Variants in FBRS observed in about 807,000 individuals in gnomAD.
FBRS encodes the protein fibrosin, also known as probable fibrosin-1.
In FBRS, 15 loss-of-function variants were observed where a neutral mutation model predicts 86.1. The observed-to-expected ratio is 0.17, with a 90% confidence interval of 0.12 to 0.27. FBRS has a LOEUF of 0.27. Among genes scored for constraint, FBRS ranks in the 10% least tolerant of loss-of-function variants. The probability of loss-of-function intolerance (pLI) is 1.00; values close to 1 mark genes in which losing one functional copy is unlikely to be tolerated. For synonymous variants in FBRS, 666 were observed against 575.8 expected, an observed-to-expected ratio of 1.16 and a Z score of -2.24; for missense variants, 1,367 against 1,301.6, an observed-to-expected ratio of 1.05 and a Z score of -0.77.
Position 30,665,601 on chromosome 16 carries a change from A to T in FBRS, c.1705-37A>T. 1.9e-6 allele frequency: 3 copies of T among 1,557,612 alleles called. No individual in the cohort carries two copies. Among genetic ancestry groups the T allele is most frequent in the Non-Finnish European group, 2.6e-6 (3 of 1,149,914 alleles). ...TCTGGATCCCTTTGTGCTTGGTGCCAGCTCTCCTGTCTGATCCCTCCACTC... is the reference window on the plus strand; with the variant it reads ...TCTGGATCCCTTTGTGCTTGGTGCCTGCTCTCCTGTCTGATCCCTCCACTC... On this transcript the variant is annotated intron_variant, in intron 10 of 17. Transcript: ENST00000356166. The surrounding 1 kb of genome is among the most constrained non-coding windows in gnomAD (Gnocchi z 4.1).
At chr16:30,662,963 A>T in intron 6 of FBRS, 104 bp downstream of exon 6, 1 of 1,321,862 alleles carries the variant, frequency 7.6e-7, no homozygotes, top group Non-Finnish European at 9.7e-7. Flanking sequence ...AAGGATTCTG[A>T]GACTGAAAAG....
chr16:30,664,398 G>GGCCCCC lies in FBRS; in HGVS notation c.1239_1240insGCCCCC (p.Arg413_Pro414insAlaPro). ...ACAGCTTTCCCCCTCCCGGGCTGCG[G>GGCCCCC]CCCCCCCCACCACCCCACCACCCCT... On this transcript the variant is annotated inframe_insertion, in exon 7 of 18. Transcript: ENST00000356166. 1.5e-6 allele frequency: 2 copies of GGCCCCC among 1,376,492 alleles called. No homozygotes were observed. Among genetic ancestry groups the GGCCCCC allele is most frequent in the Non-Finnish European group, 1.9e-6 (2 of 1,026,066 alleles). The allele number at this position is 1,376,492 out of a possible 1,614,324, so 85.3% of individuals were successfully genotyped here. A position where few individuals can be genotyped will look rare whatever the true frequency, so the allele number is the denominator to read the frequency against.
intron 2 of FBRS, 50 bp downstream of exon 2, chr16:30,660,492 C>G: frequency 8.0e-7 from 1 of 1,255,746 alleles, no homozygotes; most frequent in Non-Finnish European, 1.0e-6. Context: ...TCCCACAGCC[C>G]CGTTTTTCAT....
At chr16:30,663,565 G>T (rs2052485637) in intron 6 of FBRS, among the ~76,000 whole-genome samples, 1 of 152,182 alleles carries the variant, frequency 6.6e-6, no homozygotes, top group South Asian at 2.1e-4. Context: ...CATTGATGCA[G>T]TTCAGATGGT....
Position 30,658,575 on chromosome 16 carries a change from T to G in FBRS, c.-944T>G, listed in dbSNP as rs2052413202. The stretch of plus-strand genomic sequence containing the variant: ...TGCCCATCGGCCGTTCCGGATCCCC[T>G]AAGGCCCAAGTCGGACAGAGACGGA... On this transcript the variant is annotated 5_prime_UTR_variant, in exon 1 of 18. Transcript: ENST00000356166. 1 of 152,552 alleles carries G rather than the reference T, an allele frequency of 6.6e-6. No homozygotes were observed. The highest frequency in any genetic ancestry group is 2.1e-4 in the South Asian group (1 of 4,856). 9.4% of individuals were successfully genotyped at this position (152,552 alleles called of 1,614,324 possible).
Position 30,658,545 on chromosome 16 carries a change from C to G in FBRS, c.-974C>G, listed in dbSNP as rs1019760762. 1.0e-4 allele frequency: 16 copies of G among 152,640 alleles called. No homozygotes were observed. Among genetic ancestry groups the G allele is most frequent in the Admixed American group, 9.1e-4 (14 of 15,314 alleles). The allele number at this position is 152,640 out of a possible 1,614,324, so 9.5% of individuals were successfully genotyped here. A position where few individuals can be genotyped will look rare whatever the true frequency, so the allele number is the denominator to read the frequency against. Reference sequence around the variant, plus strand: ...CAACAGGAGTTTGTGCTGGAGCTCCCCCGCTGCCCATCGGCCGTTCCGGAT... The same window carrying G: ...CAACAGGAGTTTGTGCTGGAGCTCCGCCGCTGCCCATCGGCCGTTCCGGAT... On this transcript the variant is annotated 5_prime_UTR_variant, in exon 1 of 18. Coordinates refer to ENST00000356166, the MANE Select transcript of FBRS (RefSeq NM_001105079.3).
Position 30,659,821 on chromosome 16 carries a change from C to G in FBRS, c.303C>G (p.Gly101=). 6.6e-7 allele frequency: 1 copy of G among 1,519,406 alleles called. No individual in the cohort carries two copies. Among genetic ancestry groups the G allele is most frequent in the Non-Finnish European group, 8.8e-7 (1 of 1,137,690 alleles). The allele number at this position is 1,519,406 out of a possible 1,614,324, so 94.1% of individuals were successfully genotyped here. A position where few individuals can be genotyped will look rare whatever the true frequency, so the allele number is the denominator to read the frequency against. The stretch of plus-strand genomic sequence containing the variant: ...CCCGAGCTCGGAAGCGGCCTGCCGG[C>G]TCGGGCAGCCGCGGGGAGGAAGAGG... ...PRPRARKRPA[G]SGSRGEEEEE... The change falls in exon 1 of 18, where the codon GGC becomes GGG. Residue 101 remains glycine, a synonymous_variant. Coordinates refer to ENST00000356166, the MANE Select transcript of FBRS (RefSeq NM_001105079.3).
rs1188850942 is a variant in FBRS, at chr16:30,659,586, G to A, written c.68G>A (p.Arg23His). Residue 23 changes from arginine to histidine, a missense_variant, in exon 1 of 18, where the codon CGC (arginine) becomes CAC (histidine). Physicochemically the swap from Arg to His is conservative, Grantham distance 29. Transcript: ENST00000356166. ...WAAEGERRRR[R>H]CSRRDRDREQ... Reference sequence around the variant, plus strand: ...GCAGAGGGGGAGCGCCGACGGCGGCGCTGCTCGCGCCGAGACCGAGACCGG... The same window carrying A: ...GCAGAGGGGGAGCGCCGACGGCGGCACTGCTCGCGCCGAGACCGAGACCGG... 2.9e-6 allele frequency: 1 copy of A among 347,258 alleles called. No homozygotes were observed. 21.5% of individuals were successfully genotyped at this position (347,258 alleles called of 1,614,324 possible). A position where few individuals can be genotyped will look rare whatever the true frequency, so the allele number is the denominator to read the frequency against.
In FBRS at chr16:30,670,295, G is replaced by C. The variant is rs114750853; in HGVS notation, c.*650G>C. The C allele has an allele frequency of 3.6e-3, 1,569 of 435,352 alleles. 10 individuals are homozygous for C. The highest frequency in any genetic ancestry group is 0.018 in the African/African-American group (889 of 49,104). 27.0% of individuals were successfully genotyped at this position (435,352 alleles called of 1,614,324 possible). A position where few individuals can be genotyped will look rare whatever the true frequency, so the allele number is the denominator to read the frequency against. Reference sequence around the variant, plus strand: ...CTCCCTGGGAAGGTGGGGCCAGCAGGAGATGACCAACAGGGGGCAGGACCT... The same window carrying C: ...CTCCCTGGGAAGGTGGGGCCAGCAGCAGATGACCAACAGGGGGCAGGACCT... On this transcript the variant is annotated 3_prime_UTR_variant, in exon 18 of 18. Coordinates refer to ENST00000356166, the MANE Select transcript of FBRS (RefSeq NM_001105079.3).
At chr16:30,662,260 A>T in intron 4 of FBRS, 160 bp from the exon 5 acceptor site, 1 of 1,109,662 alleles carries the variant, frequency 9.0e-7, no homozygotes, top group Non-Finnish European at 1.3e-6. Context: ...CTCCAAGCTC[A>T]GCCCCCTAGA....
chr16:30,669,030 C>G lies in FBRS; in HGVS notation c.2367-39C>G, dbSNP rs539112912. The G allele has an allele frequency of 1.5e-5, 24 of 1,577,734 alleles. No homozygotes were observed. The highest frequency in any genetic ancestry group is 2.0e-5 in the Non-Finnish European group (23 of 1,163,258). The stretch of plus-strand genomic sequence containing the variant: ...TGCCCCACCCTCAGCCCCTGCTGCC[C>G]CTGGAGAACTTCATTCTCTCCCCAC... On this transcript the variant is annotated intron_variant, in intron 17 of 17. Transcript: ENST00000356166. The surrounding 1 kb of genome is among the most constrained non-coding windows in gnomAD (Gnocchi z 5.9).
rs1192833830 is a variant in FBRS, at chr16:30,658,922, A to T, written c.-597A>T. 1 of 152,300 alleles carries T rather than the reference A, an allele frequency of 6.6e-6. No individual in the cohort carries two copies. Among genetic ancestry groups the T allele is most frequent in the East Asian group, 1.9e-4 (1 of 5,176 alleles). The allele number at this position is 152,300 out of a possible 1,614,324, so 9.4% of individuals were successfully genotyped here. A position where few individuals can be genotyped will look rare whatever the true frequency, so the allele number is the denominator to read the frequency against. ...TTCTTTACGTCCTCCTCCCCCACACACAAGAAGTCTTTTAAATTCAACTTA... is the reference window on the plus strand; with the variant it reads ...TTCTTTACGTCCTCCTCCCCCACACTCAAGAAGTCTTTTAAATTCAACTTA... On this transcript the variant is annotated 5_prime_UTR_variant, in exon 1 of 18. Transcript: ENST00000356166.
In FBRS at chr16:30,669,776, C is replaced by G. The variant is rs1193896596; in HGVS notation, c.*131C>G. On this transcript the variant is annotated 3_prime_UTR_variant, in exon 18 of 18. Coordinates refer to ENST00000356166, the MANE Select transcript of FBRS (RefSeq NM_001105079.3). This position sits in a 1 kb window ranked among gnomAD's most constrained non-coding sequence, Gnocchi z 5.9. ...CCAGCCACCTCTGAGGTCATGGAAC[C>G]TGGGAACAGAAGCCTCAACCCCCAC... 8.3e-7 allele frequency: 1 copy of G among 1,210,388 alleles called. No individual in the cohort carries two copies. The highest frequency in any genetic ancestry group is 1.1e-6 in the Non-Finnish European group (1 of 893,578). The allele number at this position is 1,210,388 out of a possible 1,614,324, so 75.0% of individuals were successfully genotyped here.
intron 7 of FBRS, 67 bp downstream of exon 7, chr16:30,664,583 G>A: frequency 7.0e-7 from 1 of 1,431,246 alleles, no homozygotes; most frequent in Non-Finnish European, 9.1e-7. Flanking sequence ...GTTGGCTTTG[G>A]GGCACCTGAG....
chr16:30,667,297 C>G (rs1009110102), intron 13 of FBRS, 23 bp from the exon 14 acceptor site: 3 of 1,510,994 alleles, frequency 2.0e-6, no homozygotes, highest in Non-Finnish European at 2.7e-6. Context: ...CATGTACTGC[C>G]CCTCTCCCTG....
intron 2 of FBRS, 128 bp from the exon 3 acceptor site, chr16:30,661,052 G>A: frequency 2.1e-6 from 3 of 1,415,326 alleles, no homozygotes; most frequent in Non-Finnish European, 2.9e-6. Flanking sequence ...GGCAGTGGCG[G>A]GAGAAGCAGC....
At position 30,659,748 on chromosome 16, in the gene FBRS, G is replaced by T. The variant is rs1283338304; in HGVS notation, c.230G>T (p.Gly77Val). The T allele has an allele frequency of 5.4e-5, 74 of 1,372,496 alleles. No homozygotes were observed. The highest frequency in any genetic ancestry group is 6.8e-5 in the Non-Finnish European group (70 of 1,025,214). 85.0% of individuals were successfully genotyped at this position (1,372,496 alleles called of 1,614,324 possible). Residue 77 changes from glycine (G) to valine (V), a missense_variant, in exon 1 of 18, where the codon GGG (glycine) becomes GTG (valine). Around this residue, in one of 3 missense-constraint regions of FBRS, gnomAD observed 702 missense variants for 598.7 expected, o/e 1.17. Transcript: ENST00000356166. ...TCAGCTTCGTCTGGAGAGCGGCCTG[G>T]GGGCCCGAGACGCCGGCGGCCCCGT... The part of the protein sequence containing the change: ...WSSASSGERP[G>V]GPRRRRPRPR...
In FBRS at chr16:30,667,395, G is replaced by T. The variant is rs1170663518; in HGVS notation, c.1951G>T (p.Gly651Trp). 1 of 1,551,528 alleles carries T rather than the reference G, an allele frequency of 6.4e-7. No homozygotes were observed. Among genetic ancestry groups the T allele is most frequent in the Non-Finnish European group, 8.7e-7 (1 of 1,146,944 alleles). The part of the protein sequence containing the change: ...LPGPYGALPP[G>W]QELSHPASLF... ...GGGGCCCTATGGGGCCCTGCCCCCTGGGCAGGAGCTCTCCCACCCGGCCTC... is the reference window on the plus strand; with the variant it reads ...GGGGCCCTATGGGGCCCTGCCCCCTTGGCAGGAGCTCTCCCACCCGGCCTC... Residue 651 changes from glycine to tryptophan, a missense_variant, in exon 14 of 18, where the codon GGG (glycine) becomes TGG (tryptophan). By Grantham distance (184) the Gly-to-Trp change is radical. Around this residue, in one of 3 missense-constraint regions of FBRS, gnomAD observed 659 missense variants for 678.8 expected, o/e 0.97. Transcript: ENST00000356166.
Position 30,668,556 on chromosome 16 carries a change from A to G in FBRS, c.2075-4A>G, listed in dbSNP as rs754719776. Reference sequence around the variant, plus strand: ...GCTCTGACCACCCCCCTTTCCTCCCACAGATCCCTTTGGGCGTCCCACAAG... The same window carrying G: ...GCTCTGACCACCCCCCTTTCCTCCCGCAGATCCCTTTGGGCGTCCCACAAG... On this transcript the variant is annotated splice_polypyrimidine_tract_variant and splice_region_variant and intron_variant, in intron 15 of 17. Coordinates refer to ENST00000356166, the MANE Select transcript of FBRS (RefSeq NM_001105079.3). 1 of 1,609,492 alleles carries G rather than the reference A, an allele frequency of 6.2e-7. No individual in the cohort carries two copies. The highest frequency in any genetic ancestry group is 8.5e-7 in the Non-Finnish European group (1 of 1,177,368).
Sources: allele counts gnomAD v4.1 joint callset (sites outside exome capture counted in the v4.1 genomes callset), GRCh38; gene constraint gnomAD v4.1.1; regional missense constraint gnomAD v4.1.1; non-coding constraint Gnocchi (gnomAD v3.1); transcripts MANE v1.5; gene names NCBI Gene and HGNC (gene_info 2026-07-23, HGNC 2026-07-21).